Variants in BTAF1 observed in about 807,000 individuals in gnomAD.
BTAF1 encodes B-TFIID TATA-box binding protein associated factor 1.
A neutral mutation model predicts 227.1 loss-of-function variants in BTAF1; 38 were observed. The ratio of observed to expected loss-of-function variants is 0.17; its 90% confidence interval spans 0.13 to 0.22. BTAF1 has a LOEUF of 0.22. BTAF1 is among the 10% of genes least tolerant of loss of function. The pLI is 1.00. For missense variants in BTAF1, 1,598 were observed against 2,204.0 expected (o/e 0.73, Z 5.51); for synonymous variants, 742 against 751.9 (o/e 0.99, Z 0.21).
intron 25 of BTAF1, among the ~76,000 whole-genome samples, chr10:92,000,829 C>T (rs929924487): frequency 1.3e-5 from 2 of 152,178 alleles, no homozygotes; most frequent in African/African-American, 2.4e-5. Context: ...GCTGGGATTA[C>T]AGGCATGAGC....
At chr10:91,991,850 CACAA>C (rs1848815188) in intron 20 of BTAF1, among the ~76,000 whole-genome samples, 1 of 148,514 alleles carries the variant, frequency 6.7e-6, no homozygotes, top group African/African-American at 2.5e-5. Flanking sequence ...TATATACACA[CACAA>C]ACACATTAAC....
chr10:91,978,829 T>TG (rs1160935970), intron 14 of BTAF1, among the ~76,000 whole-genome samples: 2 of 150,538 alleles, frequency 1.3e-5, no homozygotes, highest in Non-Finnish European at 3.0e-5. Context: ...TTTTTTTTTT[T>TG]TTTTTTTCAC....
At chr10:91,991,863 A>G (rs1363567874) in intron 20 of BTAF1, among the ~76,000 whole-genome samples, 1 of 150,496 alleles carries the variant, frequency 6.6e-6, no homozygotes, top group East Asian at 1.9e-4. Context: ...AAACACATTA[A>G]CTGAAGTCAC....
intron 25 of BTAF1, among the ~76,000 whole-genome samples, chr10:92,003,895 A>G (rs1428455343): frequency 6.6e-6 from 1 of 152,122 alleles, no homozygotes; most frequent in Non-Finnish European, 1.5e-5. Context: ...GTTTCTCCAC[A>G]TCTTCCTCCA....
Position 91,958,119 on chromosome 10 carries a change from ACT to A in BTAF1, c.900+831_900+832del, listed in dbSNP as rs142685766. On this transcript the variant is annotated intron_variant, in intron 8 of 37. Coordinates refer to ENST00000265990, the MANE Select transcript of BTAF1 (RefSeq NM_003972.3). ...GCTGAAGTGCAGTGGCACGATCTTG[ACT>A]CTCTGCAACCTCCGCCACCCAGGTT... 3.3e-3 allele frequency among the ~76,000 whole-genome samples: 498 copies of A among 151,716 alleles called. 5 individuals are homozygous for A. The highest frequency in any genetic ancestry group is 0.011 in the African/African-American group (472 of 41,368).
At chr10:91,942,701 C>CG (rs1371039691) in intron 4 of BTAF1, 133 bp downstream of exon 4, 11 of 1,011,152 alleles carry the variant, frequency 1.1e-5, no homozygotes, top group Non-Finnish European at 1.5e-5. Flanking sequence ...TTGCAGGTGG[C>CG]GGGGGATGCT....
intron 13 of BTAF1, among the ~76,000 whole-genome samples, chr10:91,964,654 C>T (rs1379872358): frequency 1.3e-5 from 2 of 151,890 alleles, no homozygotes; most frequent in Admixed American, 6.6e-5. Context: ...TCAGTAATTA[C>T]TTATCATGAA....
intron 33 of BTAF1, among the ~76,000 whole-genome samples, chr10:92,017,438 CTAA>C (rs1339071328): frequency 6.6e-6 from 1 of 152,072 alleles, no homozygotes; most frequent in Non-Finnish European, 1.5e-5. Context: ...AAACCTCCTG[CTAA>C]TAGATTAAGT....
chr10:91,982,538 C>T (rs1203782743), intron 17 of BTAF1, 49 bp from the exon 18 acceptor site: 2 of 1,531,800 alleles, frequency 1.3e-6, no homozygotes, highest in Non-Finnish European at 1.8e-6. Context: ...TATGGGGAAA[C>T]TTTACTTCAA....
chr10:91,992,146 A>T lies in BTAF1; in HGVS notation c.2882A>T (p.His961Leu), dbSNP rs1191473969. Residue 961 changes from histidine to leucine, a missense_variant, in exon 21 of 38, where the codon CAC (histidine) becomes CTC (leucine). By Grantham distance (99) the His-to-Leu change is moderately conservative. Coordinates refer to ENST00000265990, the MANE Select transcript of BTAF1 (RefSeq NM_003972.3). The part of the protein sequence containing the change: ...KGSTSEKDGM[H>L]HTVTKHRGII... ...TCCACCTCAGAAAAAGATGGAATGCACCATACTGTCACCAAGCACAGAGGT... is the reference window on the plus strand; with the variant it reads ...TCCACCTCAGAAAAAGATGGAATGCTCCATACTGTCACCAAGCACAGAGGT... 2 of 1,603,504 alleles carry T rather than the reference A, an allele frequency of 1.2e-6. No homozygotes were observed. Among genetic ancestry groups the T allele is most frequent in the Non-Finnish European group, 8.5e-7 (1 of 1,175,964 alleles).
At chr10:91,924,478 A>T (rs1843692751) in intron 1 of BTAF1, among the ~76,000 whole-genome samples, 1 of 152,160 alleles carries the variant, frequency 6.6e-6, no homozygotes, top group South Asian at 2.1e-4. Context: ...GATGGAGGGG[A>T]AACCTGAATT....
At chr10:92,005,873 GT>G (rs796598126) in intron 25 of BTAF1, among the ~76,000 whole-genome samples, 132 of 143,984 alleles carry the variant, frequency 9.2e-4, no homozygotes, top group Middle Eastern at 7.2e-3. Context: ...TGTTTTTTGG[GT>G]TTTTTTTTTT....
At chr10:91,967,477 T>C (rs1421195215) in intron 14 of BTAF1, among the ~76,000 whole-genome samples, 1 of 152,242 alleles carries the variant, frequency 6.6e-6, no homozygotes, top group East Asian at 1.9e-4. Context: ...AATCATTTTT[T>C]AAAAATAGTG....
At chr10:91,959,265 A>G (rs1846317339) in intron 9 of BTAF1, 111 bp downstream of exon 9, 1 of 1,542,386 alleles carries the variant, frequency 6.5e-7, no homozygotes. Context: ...GGTAAATAAG[A>G]GGAAGAGATA....
At chr10:91,973,088 C>T (rs1224290465) in intron 14 of BTAF1, among the ~76,000 whole-genome samples, 1 of 152,144 alleles carries the variant, frequency 6.6e-6, no homozygotes, top group Admixed American at 6.5e-5. Context: ...GCTTCCTTGC[C>T]TTTGATTTCT....
Position 91,987,451 on chromosome 10 carries a change from C to T in BTAF1, c.2428-1703C>T, listed in dbSNP as rs1359116814. On this transcript the variant is annotated intron_variant, in intron 19 of 37. Transcript: ENST00000265990. Reference sequence around the variant, plus strand: ...TGAACCAAGATCACGCCACTGCGCTCCAGCCTGGGTGACAGAGTGAGACTT... The same window carrying T: ...TGAACCAAGATCACGCCACTGCGCTTCAGCCTGGGTGACAGAGTGAGACTT... Among the ~76,000 whole-genome samples the T allele has an allele frequency of 2.6e-5, 4 of 151,988 alleles. No homozygotes were observed. In the East Asian group the frequency reaches 7.7e-4, roughly 29 times the overall value.
chr10:91,978,823 T>G (rs1024285979), intron 14 of BTAF1, among the ~76,000 whole-genome samples: 20 of 150,134 alleles, frequency 1.3e-4, no homozygotes, highest in East Asian at 1.2e-3. Flanking sequence ...TGTTTTTTTT[T>G]TTTTTTTTTT....
chr10:91,996,644 T>A, intron 24 of BTAF1, 74 bp downstream of exon 24: 1 of 1,451,050 alleles, frequency 6.9e-7, no homozygotes. Context: ...ATGAAATTGA[T>A]GTGTTCTAAT....
At chr10:92,003,995 G>A (rs1189369739) in intron 25 of BTAF1, among the ~76,000 whole-genome samples, 3 of 151,774 alleles carry the variant, frequency 2.0e-5, no homozygotes, top group Non-Finnish European at 2.9e-5. Context: ...GATGATTTAT[G>A]TTGAGCATTT....
Sources: gnomAD v4.1 joint callset for allele counts (sites outside exome capture counted in the v4.1 genomes callset) on GRCh38, gnomAD v4.1.1 for gene constraint, MANE v1.5 for transcripts, NCBI Gene and HGNC (gene_info 2026-07-23, HGNC 2026-07-21) for gene names.